TREML2: variants seen among roughly 807,000 people sequenced by gnomAD.
TREML2 encodes the protein triggering receptor expressed on myeloid cells like 2.
Under a neutral mutation model 25.9 loss-of-function variants are expected in TREML2, and 24 were observed. The ratio of observed to expected loss-of-function variants is 0.93; its 90% CI spans 0.67 to 1.30. The LOEUF is 1.30. TREML2 is among the 50% of genes most tolerant of loss of function. The pLI, the probability that TREML2 is intolerant of heterozygous loss-of-function variation, is 0.00. For missense variants in TREML2, 359 were observed against 395.6 expected (o/e 0.91, Z 0.78); for synonymous variants, 139 against 155.2 (o/e 0.90, Z 0.77).
intron 1 of TREML2, 117 bp from the exon 2 acceptor site, chr6:41,198,546 A>G: frequency 1.7e-6 from 2 of 1,144,918 alleles, no homozygotes; most frequent in East Asian, 2.4e-5. Flanking sequence ...CACAGAACCC[A>G]CAGATTGAGG....
At chr6:41,193,840 C>T (rs1477614721) in intron 3 of TREML2, among the ~76,000 whole-genome samples, 1 of 134,152 alleles carries the variant, frequency 7.5e-6, no homozygotes. Flanking sequence ...CTGCAGCCCC[C>T]CTCTCCCCTG....
chr6:41,194,850 G>C lies in TREML2; in HGVS notation c.377-17C>G, dbSNP rs1449907891. 1 of 1,544,672 alleles carries C rather than the reference G, an allele frequency of 6.5e-7. No homozygotes were observed. On this transcript the variant is annotated splice_polypyrimidine_tract_variant and intron_variant, in intron 2 of 4. Transcript: ENST00000483722. Reference sequence around the variant, plus strand: ...TTTGGGGAGCTGAAAGACAGAAAGGGAGGAACGTTAGATTGACTTGGGTGC... The same window carrying C: ...TTTGGGGAGCTGAAAGACAGAAAGGCAGGAACGTTAGATTGACTTGGGTGC...
chr6:41,193,297 C>T (rs1290210741), intron 3 of TREML2, among the ~76,000 whole-genome samples: 2 of 152,120 alleles, frequency 1.3e-5, no homozygotes, highest in Non-Finnish European at 2.9e-5. Flanking sequence ...GTCCTCTTGC[C>T]TGTGTCATTT....
chr6:41,194,274 A>G lies in TREML2; in HGVS notation c.785+151T>C, dbSNP rs915158247. The G allele has an allele frequency of 1.8e-5, 9 of 513,440 alleles. No homozygotes were observed. The African/African-American group carries it at 1.8e-4, about 10-fold the overall frequency. 31.8% of individuals were successfully genotyped at this position (513,440 alleles called of 1,614,324 possible). A position where few individuals can be genotyped will look rare whatever the true frequency, so the allele number is the denominator to read the frequency against. ...CCCCTCCTCTCCATTGCCATCCTTT[A>G]TGTCACTTCCAGTCCCCCACCTCAC... On this transcript the variant is annotated intron_variant, in intron 3 of 4. Coordinates refer to ENST00000483722, the MANE Select transcript of TREML2 (RefSeq NM_024807.4).
intron 2 of TREML2, among the ~76,000 whole-genome samples, chr6:41,197,570 CTTCAG>C (rs1254922785): frequency 2.0e-5 from 3 of 152,144 alleles, no homozygotes; most frequent in Non-Finnish European, 4.4e-5. Context: ...ACCCCCAGTA[CTTCAG>C]TAGCTCCCCC....
At chr6:41,194,894 T>C in intron 2 of TREML2, 61 bp from the exon 3 acceptor site, 1 of 1,490,022 alleles carries the variant, frequency 6.7e-7, no homozygotes, top group South Asian at 1.4e-5. Context: ...TGGGAGCAGA[T>C]CCTGGCAACC....
In TREML2 at chr6:41,194,475, G is replaced by T. The variant is rs779737509; in HGVS notation, c.735C>A (p.Cys245Ter). Residue 245 changes from cysteine (C) to a stop codon, truncating the protein, a stop_gained, in exon 3 of 5, where the codon TGC (cysteine) becomes TGA (stop). Coordinates refer to ENST00000483722, the MANE Select transcript of TREML2 (RefSeq NM_024807.4). LOFTEE classifies it high-confidence loss of function. ...LSTRSPTTGL[C>*]LTSRSLLNRL... ...TGTTGAGGAGAGATCTGCTGGTGAG[G>T]CAGAGCCCTGTGGTGGGCGATCTGG... 1.2e-6 allele frequency: 2 copies of T among 1,608,056 alleles called. No individual in the cohort carries two copies. Among genetic ancestry groups the T allele is most frequent in the Non-Finnish European group, 1.7e-6 (2 of 1,177,392 alleles).
intron 1 of TREML2, among the ~76,000 whole-genome samples, chr6:41,199,923 C>T (rs1766244749): frequency 6.6e-6 from 1 of 152,242 alleles, no homozygotes. Context: ...ACACCCCTCA[C>T]AGGTTGCTGT....
chr6:41,192,119 T>C lies in TREML2; in HGVS notation c.*308A>G. The C allele has an allele frequency of 2.7e-6, 1 of 375,942 alleles. No individual in the cohort carries two copies. Among genetic ancestry groups the C allele is most frequent in the South Asian group, 3.6e-5 (1 of 27,664 alleles). 23.3% of individuals were successfully genotyped at this position (375,942 alleles called of 1,614,324 possible). A position where few individuals can be genotyped will look rare whatever the true frequency, so the allele number is the denominator to read the frequency against. ...TTCTCTGTAAACAGCACTCTCAGGG[T>C]TCCCCTGCCTCCACCAAGAGCCCTG... On this transcript the variant is annotated 3_prime_UTR_variant, in exon 5 of 5. Coordinates refer to ENST00000483722, the MANE Select transcript of TREML2 (RefSeq NM_024807.4).
At chr6:41,200,925 C>T (rs1488982467) in intron 1 of TREML2, 29 bp downstream of exon 1, 3 of 1,511,490 alleles carry the variant, frequency 2.0e-6, no homozygotes, top group African/African-American at 1.4e-5. Context: ...CCACTCCCTC[C>T]TCCACAAGTC....
At chr6:41,195,154 G>A (rs1171130522) in intron 2 of TREML2, among the ~76,000 whole-genome samples, 4 of 151,934 alleles carry the variant, frequency 2.6e-5, no homozygotes, top group Non-Finnish European at 4.4e-5. Context: ...TCGTTCCTAT[G>A]GGCCAAAAAG....
intron 1 of TREML2, among the ~76,000 whole-genome samples, chr6:41,198,692 G>T (rs1766222463): frequency 6.6e-6 from 1 of 152,172 alleles, no homozygotes; most frequent in African/African-American, 2.4e-5. Context: ...TGATGGAGGA[G>T]GCAGGTATAT....
At chr6:41,194,325 C>T (rs561280519) in intron 3 of TREML2, 100 bp downstream of exon 3, 1 of 1,273,076 alleles carries the variant, frequency 7.9e-7, no homozygotes, top group East Asian at 2.6e-5. Context: ...ACATTGGGTT[C>T]CTGGGGAGCA....
At position 41,189,974 on chromosome 6, in the gene TREML2, T is replaced by A. The variant is rs939484352; in HGVS notation, c.*2453A>T. On this transcript the variant is annotated 3_prime_UTR_variant, in exon 5 of 5. Coordinates refer to ENST00000483722, the MANE Select transcript of TREML2 (RefSeq NM_024807.4). ...CTTGAGTTACTTACTCCATATTGCT[T>A]TGTTCCCCTTACTGCACATGTCAGG... Among the ~76,000 whole-genome samples the A allele has an allele frequency of 6.6e-6, 1 of 152,170 alleles. No homozygotes were observed. The highest frequency in any genetic ancestry group is 2.4e-5 in the African/African-American group (1 of 41,434).
intron 2 of TREML2, 23 bp from the exon 3 acceptor site, chr6:41,194,856 C>A: frequency 6.5e-7 from 1 of 1,539,568 alleles, no homozygotes. Flanking sequence ...AAGGGAGGAA[C>A]GTTAGATTGA....
chr6:41,200,053 G>A lies in TREML2; in HGVS notation c.55+901C>T, dbSNP rs117901852. On this transcript the variant is annotated intron_variant, in intron 1 of 4. Coordinates refer to ENST00000483722, the MANE Select transcript of TREML2 (RefSeq NM_024807.4). ...GAACCCAGAGCTGTGACAGTCAAGG[G>A]CCCAGAATCCAGGACATCTGTCCCA... 3.3e-5 allele frequency among the ~76,000 whole-genome samples: 5 copies of A among 152,290 alleles called. No individual in the cohort carries two copies. In the East Asian group the frequency reaches 9.6e-4, roughly 29 times the overall value.
rs1364230279 is a variant in TREML2, at chr6:41,198,212, G to A, written c.273C>T (p.Thr91=). The change falls in exon 2 of 5, where the codon ACC becomes ACT. Residue 91 remains threonine, a synonymous_variant. Coordinates refer to ENST00000483722, the MANE Select transcript of TREML2 (RefSeq NM_024807.4). The part of the protein sequence containing the change: ...DDAQAKVVNI[T]MVALKLQDSG... ...AGTCCTGGAGCTTGAGGGCCACCATGGTGATGTTGACCACCTTGGCCTGGG... is the reference window on the plus strand; with the variant it reads ...AGTCCTGGAGCTTGAGGGCCACCATAGTGATGTTGACCACCTTGGCCTGGG... 2 of 1,614,242 alleles carry A rather than the reference G, an allele frequency of 1.2e-6. No individual in the cohort carries two copies. Among genetic ancestry groups the A allele is most frequent in the South Asian group, 1.1e-5 (1 of 91,088 alleles).
chr6:41,190,100 A>G lies in TREML2; in HGVS notation c.*2327T>C, dbSNP rs1339959267. ...TGTCTTAGGCAAGCCCCCCTGTGCA[A>G]GTTCCCATATCTGTGCCTGCAGCTT... On this transcript the variant is annotated 3_prime_UTR_variant, in exon 5 of 5. Coordinates refer to ENST00000483722, the MANE Select transcript of TREML2 (RefSeq NM_024807.4). Among the ~76,000 whole-genome samples the G allele has an allele frequency of 6.6e-6, 1 of 152,104 alleles. No individual in the cohort carries two copies. Among genetic ancestry groups the G allele is most frequent in the African/African-American group, 2.4e-5 (1 of 41,402 alleles).
rs377165160 is a variant in TREML2, at chr6:41,194,648, T to A, written c.562A>T (p.Thr188Ser). Residue 188 changes from threonine to serine, a missense_variant, in exon 3 of 5, where the codon ACA (threonine) becomes TCA (serine). Thr to Ser is a moderately conservative substitution (Grantham distance 58). Transcript: ENST00000483722. The part of the protein sequence containing the change: ...LLASTRPASK[T>S]GYSFTATSTT... ...CTGGTAGCAGTGAAGCTGTAGCCTG[T>A]CTTGGAGGCAGGTCTGGTGGAGGCT... 1.6e-5 allele frequency: 26 copies of A among 1,613,870 alleles called. No individual in the cohort carries two copies. The East Asian group carries it at 5.8e-4, about 36-fold the overall frequency.
Sources: allele counts gnomAD v4.1 joint callset (sites outside exome capture counted in the v4.1 genomes callset), GRCh38; gene constraint gnomAD v4.1.1; transcripts MANE v1.5; gene names NCBI Gene and HGNC (gene_info 2026-07-23, HGNC 2026-07-21).